MYO3B: variants seen among roughly 807,000 people sequenced by gnomAD.
MYO3B encodes myosin-IIIb.
MYO3B carries 156 observed loss-of-function variants against 174.6 expected under a neutral mutation model. The observed-to-expected ratio is 0.89, with a 90% CI of 0.78 to 1.02. MYO3B has a LOEUF of 1.02. MYO3B is among the 50% of genes least tolerant of loss of function. The probability of loss-of-function intolerance (pLI) is 0.00; values close to 1 mark genes in which losing one functional copy is unlikely to be tolerated. For synonymous variants in MYO3B, 563 were observed against 569.1 expected (o/e 0.99, Z 0.15); for missense variants, 1,632 against 1,639.4 (o/e 1.00, Z 0.08).
intron 22 of MYO3B, among the ~76,000 whole-genome samples, chr2:170,437,506 C>T (rs554032867): frequency 3.3e-4 from 50 of 152,222 alleles, no homozygotes; most frequent in Admixed American, 9.8e-4. Flanking sequence ...TTTATCTCTG[C>T]GGACACAAGG....
intron 22 of MYO3B, among the ~76,000 whole-genome samples, chr2:170,423,658 G>T (rs1251840496): frequency 1.4e-5 from 2 of 141,490 alleles, no homozygotes; most frequent in African/African-American, 5.3e-5. Context: ...TCAGCTCACT[G>T]CAACCTCCGC....
In MYO3B at chr2:170,514,783, A is replaced by G. The variant is rs939131068; in HGVS notation, c.3371-138A>G. On this transcript the variant is annotated intron_variant, in intron 28 of 34. Coordinates refer to ENST00000408978, the MANE Select transcript of MYO3B (RefSeq NM_138995.5). The stretch of plus-strand genomic sequence containing the variant: ...TCTTAAAAATAAGCACCAAGTTCAT[A>G]AGTGAGATTAGTCACCTTGGTGCCT... 9.5e-6 allele frequency: 6 copies of G among 632,378 alleles called. No homozygotes were observed. In the South Asian group the frequency reaches 1.1e-4, roughly 11 times the overall value. The allele number at this position is 632,378 out of a possible 1,614,324, so 39.2% of individuals were successfully genotyped here.
chr2:170,356,016 A>G (rs1226650764), intron 8 of MYO3B, among the ~76,000 whole-genome samples: 2 of 151,950 alleles, frequency 1.3e-5, no homozygotes. Context: ...GGTGGAGTGC[A>G]GTGGCGTGAT....
intron 6 of MYO3B, among the ~76,000 whole-genome samples, chr2:170,233,340 T>C (rs959092601): frequency 2.0e-5 from 3 of 152,218 alleles, no homozygotes; most frequent in African/African-American, 7.2e-5. Context: ...GAGTCTTATT[T>C]CTCTCTCCCT....
intron 8 of MYO3B, 117 bp downstream of exon 8, chr2:170,335,567 A>G (rs2093941991): frequency 2.6e-6 from 2 of 763,636 alleles, no homozygotes; most frequent in Non-Finnish European, 4.3e-6. Context: ...TTAGCACGTT[A>G]TGACTCGGGG....
At chr2:170,524,575 C>A in intron 30 of MYO3B, 1 of 422,930 alleles carries the variant, frequency 2.4e-6, no homozygotes, top group African/African-American at 2.1e-5. Flanking sequence ...CCTCCGCCCT[C>A]TGGGTTCAAG....
At chr2:170,566,084 G>A (rs1278115945) in intron 32 of MYO3B, among the ~76,000 whole-genome samples, 2 of 152,086 alleles carry the variant, frequency 1.3e-5, no homozygotes, top group Non-Finnish European at 2.9e-5. Flanking sequence ...CATATCAGTA[G>A]GTTATAGTAC....
chr2:170,259,123 A>G (rs543956683), intron 7 of MYO3B, among the ~76,000 whole-genome samples: 6 of 152,336 alleles, frequency 3.9e-5, no homozygotes, highest in African/African-American at 1.4e-4. Flanking sequence ...GTGTTGTTAA[A>G]AAGGCCATTC....
chr2:170,372,144 A>AAAC (rs1286297401), intron 9 of MYO3B, among the ~76,000 whole-genome samples: 1 of 127,368 alleles, frequency 7.9e-6, no homozygotes, highest in Non-Finnish European at 1.7e-5. Context: ...AAAAAAAAAA[A>AAAC]ACAACAACAA....
intron 32 of MYO3B, among the ~76,000 whole-genome samples, chr2:170,637,421 C>A (rs975897762): frequency 1.3e-5 from 2 of 152,128 alleles, no homozygotes; most frequent in Admixed American, 1.3e-4. Context: ...GATCCACCCC[C>A]CTCAGCCTCC....
intron 22 of MYO3B, among the ~76,000 whole-genome samples, chr2:170,414,529 A>G (rs570210923): frequency 3.1e-4 from 47 of 152,202 alleles, no homozygotes; most frequent in African/African-American, 1.0e-3. Flanking sequence ...CTTCAACTTT[A>G]TTCTTCTTTT....
rs551840921 is a variant in MYO3B, at chr2:170,415,008, A to G, written c.2650+7164A>G. The stretch of plus-strand genomic sequence containing the variant: ...CTTGGGATTTTCTGTATAGATAATC[A>G]TGTTGTCTGTGAATGAGAACTCTTT... On this transcript the variant is annotated intron_variant, in intron 22 of 34. Transcript: ENST00000408978. 3.9e-5 allele frequency among the ~76,000 whole-genome samples: 6 copies of G among 152,310 alleles called. No individual in the cohort carries two copies. The East Asian group carries it at 9.7e-4, about 25-fold the overall frequency.
At chr2:170,619,150 T>G (rs181362269) in intron 32 of MYO3B, among the ~76,000 whole-genome samples, 1 of 152,274 alleles carries the variant, frequency 6.6e-6, no homozygotes, top group East Asian at 1.9e-4. Context: ...CTTATCCATA[T>G]GGACAGGCGC....
At chr2:170,272,739 G>A (rs1559350628) in intron 7 of MYO3B, among the ~76,000 whole-genome samples, 1 of 152,194 alleles carries the variant, frequency 6.6e-6, no homozygotes, top group Admixed American at 6.5e-5. Context: ...TATTGTAAGA[G>A]TGAGTTCTTC....
chr2:170,479,722 T>C (rs1685560772), intron 25 of MYO3B, among the ~76,000 whole-genome samples: 1 of 147,414 alleles, frequency 6.8e-6, no homozygotes, highest in African/African-American at 2.5e-5. Context: ...ACACCTATTA[T>C]ATATAGGTTT....
At chr2:170,214,580 T>C (rs1255023692) in intron 4 of MYO3B, 97 bp downstream of exon 4, 2 of 1,367,682 alleles carry the variant, frequency 1.5e-6, no homozygotes, top group African/African-American at 2.9e-5. Flanking sequence ...AACTGCCCTA[T>C]GATATGCAAG....
At chr2:170,637,065 C>CA (rs1697559386) in intron 32 of MYO3B, among the ~76,000 whole-genome samples, 2 of 151,476 alleles carry the variant, frequency 1.3e-5, no homozygotes, top group Admixed American at 6.6e-5. Flanking sequence ...GCTTTGTTAG[C>CA]AACAACTGTA....
At chr2:170,202,173 C>T (rs935662814) in intron 3 of MYO3B, among the ~76,000 whole-genome samples, 12 of 152,156 alleles carry the variant, frequency 7.9e-5, no homozygotes, top group Admixed American at 2.0e-4. Flanking sequence ...CTGAGCCTTG[C>T]GCAGGTGCTC....
chr2:170,510,392 A>G (rs1252234475), intron 28 of MYO3B, among the ~76,000 whole-genome samples: 1 of 152,176 alleles, frequency 6.6e-6, no homozygotes, highest in Non-Finnish European at 1.5e-5. Context: ...TAATCAAGAA[A>G]AAGAACAAGG....
Sources: gnomAD v4.1 joint callset for allele counts (sites outside exome capture counted in the v4.1 genomes callset) on GRCh38, gnomAD v4.1.1 for gene constraint, MANE v1.5 for transcripts, NCBI Gene and HGNC (gene_info 2026-07-23, HGNC 2026-07-21) for gene names.